The following HSPA12A variants were observed in gnomAD, a reference collection of about 807,000 sequenced individuals.
The protein encoded by HSPA12A is heat shock protein family A (Hsp70) member 12A.
HSPA12A carries 28 observed loss-of-function variants against 69.2 expected under a neutral mutation model. The ratio of observed to expected loss-of-function variants is 0.40; its 90% CI spans 0.30 to 0.55. HSPA12A has a LOEUF of 0.55. Among genes scored for constraint, HSPA12A ranks in the 20% least tolerant of loss-of-function variants. The pLI is 0.38. For missense variants in HSPA12A, 686 were observed against 900.7 expected (o/e 0.76, Z 3.05); for synonymous variants, 345 against 370.5 (o/e 0.93, Z 0.79).
chr10:116,735,229 T>A (rs377448177), intron 1 of HSPA12A, among the ~76,000 whole-genome samples: 2 of 152,240 alleles, frequency 1.3e-5, no homozygotes, highest in Non-Finnish European at 2.9e-5. Flanking sequence ...TAAAGCATAA[T>A]ATAGTTTTCT....
intron 6 of HSPA12A, 93 bp downstream of exon 6, chr10:116,692,258 A>G (rs1849757509): frequency 4.4e-6 from 4 of 911,204 alleles, no homozygotes; most frequent in Admixed American, 1.9e-5. Flanking sequence ...AGGCCAGTGA[A>G]TGTGGGAGGT....
intron 2 of HSPA12A, chr10:116,831,195 A>G (rs1280618110): frequency 6.6e-6 from 1 of 152,238 alleles, no homozygotes; most frequent in East Asian, 1.9e-4. Context: ...AAAGGAAACC[A>G]TCATTGTTAC....
intron 2 of HSPA12A, among the ~76,000 whole-genome samples, chr10:116,794,721 G>A (rs761821104): frequency 2.2e-4 from 34 of 152,146 alleles, no homozygotes; most frequent in Non-Finnish European, 4.7e-4. Flanking sequence ...GCTGAGGCAG[G>A]AGAATTGCTT....
At chr10:116,788,743 A>G (rs555184462) in intron 2 of HSPA12A, among the ~76,000 whole-genome samples, 136 of 152,336 alleles carry the variant, frequency 8.9e-4, no homozygotes, top group Non-Finnish European at 4.7e-4. Flanking sequence ...TTTTCAATTG[A>G]AAAAGTTATA....
At chr10:116,694,021 T>A (rs938689381) in intron 5 of HSPA12A, among the ~76,000 whole-genome samples, 3 of 152,202 alleles carry the variant, frequency 2.0e-5, no homozygotes, top group Non-Finnish European at 2.9e-5. Context: ...ATTCTAAGCA[T>A]GGCACCCATT....
chr10:116,732,916 G>A (rs192025051), intron 1 of HSPA12A, among the ~76,000 whole-genome samples: 69 of 152,220 alleles, frequency 4.5e-4, no homozygotes, highest in African/African-American at 1.6e-3. Flanking sequence ...CTAGTGTCCT[G>A]GGGCAGTCTC....
chr10:116,699,085 C>T (rs1247066412), intron 4 of HSPA12A, among the ~76,000 whole-genome samples: 5 of 152,160 alleles, frequency 3.3e-5, no homozygotes, highest in African/African-American at 4.8e-5. Context: ...ATGCAATTTC[C>T]GTACAATTTC....
intron 1 of HSPA12A, among the ~76,000 whole-genome samples, chr10:116,737,322 C>G (rs1554886523): frequency 6.6e-6 from 1 of 152,182 alleles, no homozygotes; most frequent in South Asian, 2.1e-4. Context: ...TACAAATACT[C>G]TCTCATTTCA....
chr10:116,696,166 C>A (rs1443739793), intron 5 of HSPA12A, among the ~76,000 whole-genome samples: 3 of 152,096 alleles, frequency 2.0e-5, no homozygotes, highest in African/African-American at 4.8e-5. Flanking sequence ...TCTTGGACTT[C>A]CCAGCCTCCA....
At chr10:116,776,299 A>ATG (rs1554891137) in intron 2 of HSPA12A, among the ~76,000 whole-genome samples, 3 of 152,158 alleles carry the variant, frequency 2.0e-5, no homozygotes, top group African/African-American at 2.4e-5. Context: ...AGCAGCCTCC[A>ATG]GCTCTTGGCC....
intron 2 of HSPA12A, among the ~76,000 whole-genome samples, chr10:116,826,153 G>A (rs969224391): frequency 3.3e-5 from 5 of 151,804 alleles, no homozygotes; most frequent in Admixed American, 1.3e-4. Flanking sequence ...CAGCTTTCCC[G>A]TCACCTCCCA....
At chr10:116,743,030 G>T (rs1851566318), upstream of HSPA12A, among the ~76,000 whole-genome samples, 1 of 152,086 alleles carries the variant, frequency 6.6e-6, no homozygotes, top group Non-Finnish European at 1.5e-5. Flanking sequence ...AGCGGCCCTG[G>T]GCCGGCGCAA....
At chr10:116,740,797 T>C (rs1554887008) in intron 1 of HSPA12A, among the ~76,000 whole-genome samples, 1 of 151,714 alleles carries the variant, frequency 6.6e-6, no homozygotes, top group Non-Finnish European at 1.5e-5. Context: ...TGCCCACTTC[T>C]GATTTGACAA....
chr10:116,747,678 G>A (rs1554887944), intron 2 of HSPA12A, among the ~76,000 whole-genome samples: 1 of 152,168 alleles, frequency 6.6e-6, no homozygotes, highest in African/African-American at 2.4e-5. Context: ...AAATGTTTGT[G>A]GATGGAATGA....
At chr10:116,771,769 C>T (rs1844217100) in intron 2 of HSPA12A, among the ~76,000 whole-genome samples, 1 of 148,980 alleles carries the variant, frequency 6.7e-6, no homozygotes, top group South Asian at 2.2e-4. Flanking sequence ...CTACAAGGGG[C>T]CCAGATAGAA....
chr10:116,679,973 CT>C (rs1849358423), intron 9 of HSPA12A, among the ~76,000 whole-genome samples: 5 of 152,086 alleles, frequency 3.3e-5, no homozygotes, highest in Admixed American at 6.6e-5. Context: ...ACAATCTTTA[CT>C]TTATTATTTT....
At chr10:116,758,721 A>T (rs1843903890) in intron 2 of HSPA12A, among the ~76,000 whole-genome samples, 1 of 152,170 alleles carries the variant, frequency 6.6e-6, no homozygotes, top group Admixed American at 6.5e-5. Context: ...TATTTATCAA[A>T]TGTTTCTCAA....
Position 116,742,562 on chromosome 10 carries a change from T to C in HSPA12A, c.-93A>G. On this transcript the variant is annotated 5_prime_UTR_variant, in exon 1 of 12. Transcript: ENST00000369209. ...CGCGTCCGCGGCGGCGCTCGGGCCG[T>C]GTCTGAGCCGCCGGGCAGCGGGAGC... The C allele has an allele frequency of 8.6e-7, 1 of 1,157,522 alleles. No homozygotes were observed. The highest frequency in any genetic ancestry group is 1.1e-6 in the Non-Finnish European group (1 of 940,944). 71.7% of individuals were successfully genotyped at this position (1,157,522 alleles called of 1,614,324 possible).
chr10:116,813,716 A>G (rs1383034498), intron 2 of HSPA12A, among the ~76,000 whole-genome samples: 1 of 148,490 alleles, frequency 6.7e-6, no homozygotes, highest in Non-Finnish European at 1.5e-5. Context: ...CTCCCTCTCT[A>G]CAAAAAAAAA....
Sources: allele counts gnomAD v4.1 joint callset (sites outside exome capture counted in the v4.1 genomes callset), GRCh38; gene constraint gnomAD v4.1.1; transcripts MANE v1.5; gene names NCBI Gene and HGNC (gene_info 2026-07-23, HGNC 2026-07-21).